Variants in DENND2C observed in about 807,000 individuals in gnomAD.
The protein encoded by DENND2C is DENN domain containing 2C.
A neutral mutation model predicts 112.4 loss-of-function variants in DENND2C; 72 were observed. The ratio of observed to expected loss-of-function variants is 0.64; its 90% CI spans 0.53 to 0.78. DENND2C has a LOEUF of 0.78. DENND2C is among the 30% of genes least tolerant of loss of function. The pLI, the probability that DENND2C is intolerant of heterozygous loss-of-function variation, is 0.00. For missense variants in DENND2C, 992 were observed against 1,113.8 expected, an observed-to-expected ratio of 0.89 and a Z score of 1.56; for synonymous variants, 329 against 381.6, an observed-to-expected ratio of 0.86 and a Z score of 1.61.
chr1:114,628,718 C>T (rs1211632124), intron 3 of DENND2C, among the ~76,000 whole-genome samples: 1 of 152,184 alleles, frequency 6.6e-6, no homozygotes. Flanking sequence ...AAGAGTTGCT[C>T]ACTTCAGTTA....
chr1:114,664,592 G>A (rs1657595985), intron 1 of DENND2C, among the ~76,000 whole-genome samples: 1 of 151,854 alleles, frequency 6.6e-6, no homozygotes, highest in Non-Finnish European at 1.5e-5. Flanking sequence ...TGATTCTCCT[G>A]CCTCAGTCTC....
chr1:114,617,358 T>C (rs1464705231), intron 8 of DENND2C, among the ~76,000 whole-genome samples: 1 of 152,230 alleles, frequency 6.6e-6, no homozygotes, highest in Non-Finnish European at 1.5e-5. Context: ...TCACCCAGGC[T>C]GCAGTGCAGT....
intron 16 of DENND2C, among the ~76,000 whole-genome samples, chr1:114,598,316 T>A (rs1655398743): frequency 6.6e-6 from 1 of 152,110 alleles, no homozygotes. Context: ...GTTGACCTCA[T>A]CAACATAGAT....
At chr1:114,591,851 C>T (rs552901745) in intron 18 of DENND2C, among the ~76,000 whole-genome samples, 1 of 148,110 alleles carries the variant, frequency 6.8e-6, no homozygotes. Flanking sequence ...ACCAATTGTC[C>T]TAGTATCATT....
rs1656243836 is a variant in DENND2C at position 114,623,515 on chromosome 1, T to C, written c.935A>G (p.Asp312Gly). 6.2e-7 allele frequency: 1 copy of C among 1,602,146 alleles called. No individual in the cohort carries two copies. The highest frequency in any genetic ancestry group is 1.3e-5 in the African/African-American group (1 of 74,392). The change falls in exon 5 of 21, where the codon GAT (aspartate) becomes GGT (glycine). Residue 312 changes from aspartate (D) to glycine (G), a missense_variant. Coordinates refer to ENST00000393274, the MANE Select transcript of DENND2C (RefSeq NM_001256404.2). ...AAGTTGTCAACACCTACATATGATA[T>C]CTTCATAGATATTGTCCTCAGACTG... ...YTQSEDNIYE[D>G]IIYPTKENPY...
In DENND2C at chr1:114,602,163, CT is replaced by C; in HGVS notation, c.1698del (p.Asp567MetfsTer15). Reference protein sequence around the residue: ...SETFSFVLTGEDGSRWFGYCK... With the variant: ...SETFSFVLTGXDGSRWFGYCK... ...CAGTAACCAAACCACCGGCTTCCAT[CT>C]TCACCAGTCAAGACAAAGGAGAATG... On this transcript the variant is annotated frameshift_variant, in exon 12 of 21. Transcript: ENST00000393274. LOFTEE classifies it high-confidence loss of function. 1 of 1,613,954 alleles carries C rather than the reference CT, an allele frequency of 6.2e-7. No homozygotes were observed.
chr1:114,639,070 A>T (rs1656744200), intron 3 of DENND2C, among the ~76,000 whole-genome samples: 1 of 152,196 alleles, frequency 6.6e-6, no homozygotes, highest in Admixed American at 6.5e-5. Context: ...AGCACAATAA[A>T]GCACATGAAA....
chr1:114,625,818 A>C lies in DENND2C; in HGVS notation c.167T>G (p.Ile56Ser). The change falls in exon 4 of 21, where the codon ATC (isoleucine) becomes AGC (serine). Residue 56 changes from isoleucine (I) to serine (S), a missense_variant. Physicochemically the swap from Ile to Ser is moderately radical, Grantham distance 142. Transcript: ENST00000393274. ...AGCTATAGGATTTTTCTTAAGACGG[A>C]TCTCTTGGTGACAGTTATATCTCAC... ...FGVRYNCHQE[I>S]RLKKNPIAER... The C allele has an allele frequency of 6.2e-7, 1 of 1,614,096 alleles. No individual in the cohort carries two copies. The highest frequency in any genetic ancestry group is 8.5e-7 in the Non-Finnish European group (1 of 1,180,004).
chr1:114,602,970 A>G (rs953600620), intron 11 of DENND2C, among the ~76,000 whole-genome samples: 1 of 152,212 alleles, frequency 6.6e-6, no homozygotes, highest in Non-Finnish European at 1.5e-5. Flanking sequence ...TAGTTCTGAG[A>G]GGCTGTATAG....
intron 11 of DENND2C, among the ~76,000 whole-genome samples, chr1:114,602,799 A>G (rs1053804929): frequency 6.6e-6 from 1 of 152,150 alleles, no homozygotes; most frequent in Admixed American, 6.5e-5. Context: ...CCTGCGTTCA[A>G]ATAATCCTTC....
chr1:114,592,419 A>G (rs1336176739), intron 18 of DENND2C, among the ~76,000 whole-genome samples: 1 of 152,086 alleles, frequency 6.6e-6, no homozygotes, highest in Non-Finnish European at 1.5e-5. Flanking sequence ...CCCTTTGTAC[A>G]TACAATTAAA....
In DENND2C at chr1:114,594,679, G is replaced by A; in HGVS notation, c.2326-101C>T. The A allele has an allele frequency of 4.1e-6, 4 of 974,614 alleles. No homozygotes were observed. In the South Asian group the frequency reaches 6.2e-5, roughly 15 times the overall value. The allele number at this position is 974,614 out of a possible 1,614,324, so 60.4% of individuals were successfully genotyped here. A position where few individuals can be genotyped will look rare whatever the true frequency, so the allele number is the denominator to read the frequency against. On this transcript the variant is annotated intron_variant, in intron 17 of 20. Transcript: ENST00000393274. ...TTTCTCCAAAATTCCACAAGTGACT[G>A]TATATATTTTGGCTAAAGAGTCAGT... is the stretch of plus-strand genomic sequence containing the variant.
intron 8 of DENND2C, among the ~76,000 whole-genome samples, chr1:114,614,691 A>G (rs962231628): frequency 1.3e-5 from 2 of 152,194 alleles, no homozygotes; most frequent in African/African-American, 2.4e-5. Flanking sequence ...GCATAGACAT[A>G]CAAATAAATT....
intron 2 of DENND2C, among the ~76,000 whole-genome samples, chr1:114,645,767 T>C (rs1286575873): frequency 6.6e-6 from 1 of 152,192 alleles, no homozygotes; most frequent in African/African-American, 2.4e-5. Context: ...TAACTGAACA[T>C]TTAAAAATTT....
In DENND2C at chr1:114,591,528, T is replaced by C. The variant is rs761084803; in HGVS notation, c.2431+2945A>G. 7.6e-4 allele frequency among the ~76,000 whole-genome samples: 116 copies of C among 152,326 alleles called. 1 individual carries two copies. The highest frequency in any genetic ancestry group is 1.3e-3 in the Non-Finnish European group (89 of 68,036). ...CTAGACACTATTCATTTGATAGTTA[T>C]ATATATTCAAGATATCTTCACCTAG... On this transcript the variant is annotated intron_variant, in intron 18 of 20. Coordinates refer to ENST00000393274, the MANE Select transcript of DENND2C (RefSeq NM_001256404.2).
chr1:114,660,834 C>T (rs904956395), intron 1 of DENND2C, among the ~76,000 whole-genome samples: 3 of 151,996 alleles, frequency 2.0e-5, no homozygotes, highest in Admixed American at 6.6e-5. Context: ...AAAATCCTGC[C>T]GGGCGTGGTG....
chr1:114,608,887 A>G lies in DENND2C; in HGVS notation c.1370-14T>C, dbSNP rs769036741. ...GTTTATGGCGATCTGTAATGAAATC[A>G]TGGAGAAATGTTTTTTTCTCTGTAG... is the stretch of plus-strand genomic sequence containing the variant. On this transcript the variant is annotated splice_polypyrimidine_tract_variant and intron_variant, in intron 9 of 20. Coordinates refer to ENST00000393274, the MANE Select transcript of DENND2C (RefSeq NM_001256404.2). The G allele has an allele frequency of 1.5e-5, 24 of 1,613,758 alleles. No homozygotes were observed. The highest frequency in any genetic ancestry group is 2.0e-5 in the Non-Finnish European group (24 of 1,179,952).
In DENND2C at chr1:114,658,057, C is replaced by T. The variant is rs188077354; in HGVS notation, c.-573-3296G>A. Among the ~76,000 whole-genome samples, 4 of 152,268 alleles carry T rather than the reference C, an allele frequency of 2.6e-5. No homozygotes were observed. The East Asian group carries it at 7.7e-4, about 29-fold the overall frequency. ...AATTTCCAGGTTTAGGGGCTATACA[C>T]TGATGAACTTTCCATCTGATGGCTT... is the stretch of plus-strand genomic sequence containing the variant. On this transcript the variant is annotated intron_variant, in intron 1 of 20. Transcript: ENST00000393274.
chr1:114,643,759 C>CT (rs1473619696), intron 3 of DENND2C, among the ~76,000 whole-genome samples: 2 of 152,040 alleles, frequency 1.3e-5, no homozygotes, highest in Non-Finnish European at 2.9e-5. Flanking sequence ...AAATTTAATT[C>CT]TTTAACAGTT....
Sources: gnomAD v4.1 joint callset for allele counts (sites outside exome capture counted in the v4.1 genomes callset) on GRCh38, gnomAD v4.1.1 for gene constraint, MANE v1.5 for transcripts, NCBI Gene and HGNC (gene_info 2026-07-23, HGNC 2026-07-21) for gene names.